PDE1A: variants seen among roughly 807,000 people sequenced by gnomAD.
PDE1A encodes phosphodiesterase 1A.
PDE1A carries 35 observed loss-of-function variants against 61.7 expected under a neutral mutation model. The ratio of observed to expected loss-of-function variants is 0.57; its 90% CI spans 0.43 to 0.75. The LOEUF (loss-of-function observed/expected upper bound fraction) is 0.75. Among genes scored for constraint, PDE1A ranks in the 30% least tolerant of loss-of-function variants. PDE1A has a pLI of 0.00. For synonymous variants in PDE1A, 232 were observed against 213.2 expected (o/e 1.09, Z -0.77); for missense variants, 597 against 630.6 (o/e 0.95, Z 0.57).
chr2:182,177,838 T>C (rs1684400963), intron 13 of PDE1A, among the ~76,000 whole-genome samples: 1 of 152,190 alleles, frequency 6.6e-6, no homozygotes, highest in African/African-American at 2.4e-5. Flanking sequence ...ATGGATTTAA[T>C]TTGTGTCACA....
chr2:182,616,259 T>G, the PDE1A span, among the ~76,000 whole-genome samples: 5 of 152,192 alleles, frequency 3.3e-5, no homozygotes, highest in Non-Finnish European at 5.9e-5. Context: ...CACTAAAGTT[T>G]ATATAGTCTT....
intron 13 of PDE1A, among the ~76,000 whole-genome samples, chr2:182,185,287 T>A (rs1685110964): frequency 1.3e-5 from 2 of 152,096 alleles, no homozygotes; most frequent in South Asian, 4.1e-4. Context: ...TGAAAGCTAA[T>A]TCCTGCACGA....
At chr2:182,453,603 C>T (rs963471117) in intron 2 of PDE1A, among the ~76,000 whole-genome samples, 2 of 152,066 alleles carry the variant, frequency 1.3e-5, no homozygotes, top group African/African-American at 2.4e-5. Context: ...GGATGCAAGG[C>T]TGGGTCAACA....
chr2:182,469,786 TTAGAGGCCA>T (rs1686909708), intron 2 of PDE1A, among the ~76,000 whole-genome samples: 1 of 151,832 alleles, frequency 6.6e-6, no homozygotes, highest in South Asian at 2.1e-4. Context: ...TTTAGAGGCC[TTAGAGGCCA>T]TAGAGGTCAT....
chr2:182,280,304 A>T, intron 1 of PDE1A, among the ~76,000 whole-genome samples: 1 of 151,940 alleles, frequency 6.6e-6, no homozygotes. Context: ...TCTCTGGCTC[A>T]CATTCAGATC....
At chr2:182,690,330 G>A in the PDE1A span, among the ~76,000 whole-genome samples, 58 of 152,066 alleles carry the variant, frequency 3.8e-4, no homozygotes, top group Admixed American at 2.2e-3. Context: ...GCTTATCCAC[G>A]ATGATCAAGT....
intron 1 of PDE1A, among the ~76,000 whole-genome samples, chr2:182,285,472 T>A (rs1195085323): frequency 6.6e-6 from 1 of 152,080 alleles, no homozygotes; most frequent in African/African-American, 2.4e-5. Flanking sequence ...AAATCAGATT[T>A]ACTAAGAAAC....
intron 1 of PDE1A, among the ~76,000 whole-genome samples, chr2:182,418,459 A>G (rs1251729350): frequency 6.6e-6 from 1 of 152,166 alleles, no homozygotes; most frequent in Non-Finnish European, 1.5e-5. Context: ...CATGAGAGTC[A>G]TCTGGACTAC....
intron 1 of PDE1A, among the ~76,000 whole-genome samples, chr2:182,359,409 A>G (rs1052680022): frequency 2.0e-5 from 3 of 152,154 alleles, no homozygotes; most frequent in Non-Finnish European, 4.4e-5. Flanking sequence ...CGACTTTATA[A>G]CGTAAAACTG....
intron 1 of PDE1A, among the ~76,000 whole-genome samples, chr2:182,406,153 G>A (rs1248791045): frequency 6.6e-6 from 1 of 151,752 alleles, no homozygotes; most frequent in Non-Finnish European, 1.5e-5. Context: ...ACTGTATATA[G>A]CTCTATTATT....
intron 7 of PDE1A, among the ~76,000 whole-genome samples, chr2:182,213,982 T>G (rs1687915349): frequency 7.7e-6 from 1 of 130,016 alleles, no homozygotes; most frequent in Non-Finnish European, 1.6e-5. Flanking sequence ...TCACCAAAGT[T>G]GAAATGAAGA....
At chr2:182,465,504 AT>A (rs957506379) in intron 2 of PDE1A, among the ~76,000 whole-genome samples, 8 of 152,176 alleles carry the variant, frequency 5.3e-5, no homozygotes, top group African/African-American at 1.7e-4. Flanking sequence ...GGAATTAAAA[AT>A]TTTTTTAAGT....
At chr2:182,494,249 G>C (rs1386487369) in intron 2 of PDE1A, among the ~76,000 whole-genome samples, 2 of 151,318 alleles carry the variant, frequency 1.3e-5, no homozygotes, top group Non-Finnish European at 2.9e-5. Flanking sequence ...TGTCAATTTT[G>C]TTCTCTCATC....
chr2:182,168,386 A>G, intron 13 of PDE1A: 3 of 1,092,050 alleles, frequency 2.7e-6, no homozygotes, highest in Non-Finnish European at 3.9e-6. Flanking sequence ...ATCAGCCATG[A>G]TTGTAAAAAA....
At chr2:182,682,922 G>A in the PDE1A span, among the ~76,000 whole-genome samples, 5 of 152,068 alleles carry the variant, frequency 3.3e-5, no homozygotes, top group African/African-American at 1.2e-4. Flanking sequence ...GTGTGTCTGT[G>A]CATGTTGTAC....
At chr2:182,403,524 G>A (rs367879455) in intron 1 of PDE1A, among the ~76,000 whole-genome samples, 67 of 151,348 alleles carry the variant, frequency 4.4e-4, no homozygotes, top group South Asian at 4.2e-4. Flanking sequence ...GTGGGAACCC[G>A]GGAGGCGGAG....
chr2:182,489,802 G>T (rs1688264125), intron 2 of PDE1A, among the ~76,000 whole-genome samples: 1 of 127,992 alleles, frequency 7.8e-6, no homozygotes, highest in South Asian at 2.5e-4. Flanking sequence ...AGAGGTGTTG[G>T]ATAAACTGTA....
exon 2 of PDE1A, chr2:182,522,372 C>T (rs1690623490): frequency 6.2e-7 from 1 of 1,613,128 alleles, no homozygotes; most frequent in Admixed American, 1.7e-5. Context: ...GGCACTAGAC[C>T]CCATGATGAT....
the PDE1A span, among the ~76,000 whole-genome samples, chr2:182,626,279 C>G: frequency 6.6e-6 from 1 of 152,096 alleles, no homozygotes; most frequent in Non-Finnish European, 1.5e-5. Context: ...AAGCTTTTTA[C>G]TGGTGAAAAC....
Sources: allele counts gnomAD v4.1 joint callset (sites outside exome capture counted in the v4.1 genomes callset), GRCh38; gene constraint gnomAD v4.1.1; transcripts MANE v1.5; gene names NCBI Gene and HGNC (gene_info 2026-07-23, HGNC 2026-07-21).